The following HECW1 variants were observed in gnomAD, a reference collection of about 807,000 sequenced individuals.
The protein encoded by HECW1 is HECT, C2 and WW domain containing E3 ubiquitin protein ligase 1.
HECW1 carries 61 observed loss-of-function variants against 182.3 expected under a neutral mutation model. That is an observed-to-expected ratio of 0.33 (90% CI 0.27 to 0.41). The LOEUF (loss-of-function observed/expected upper bound fraction) is 0.41. Among genes scored for constraint, HECW1 ranks in the 10% least tolerant of loss-of-function variants. The pLI, the probability that HECW1 is intolerant of heterozygous loss-of-function variation, is 1.00. For synonymous variants in HECW1, 859 were observed against 832.6 expected (o/e 1.03, Z -0.55); for missense variants, 1,739 against 2,108.9 (o/e 0.82, Z 3.44).
At chr7:43,533,793 T>G (rs1468472822) in intron 24 of HECW1, among the ~76,000 whole-genome samples, 1 of 152,134 alleles carries the variant, frequency 6.6e-6, no homozygotes, top group Admixed American at 6.5e-5. Context: ...CAGTACACCA[T>G]GTGATCAGCT....
chr7:43,286,089 GC>G (rs1380342514), intron 3 of HECW1, among the ~76,000 whole-genome samples: 1 of 152,186 alleles, frequency 6.6e-6, no homozygotes, highest in Non-Finnish European at 1.5e-5. Context: ...GAAAGGACAA[GC>G]CAGAGGGTAA....
intron 3 of HECW1, among the ~76,000 whole-genome samples, chr7:43,257,143 A>T (rs1800668515): frequency 6.6e-6 from 1 of 152,234 alleles, no homozygotes. Context: ...TGCACAAGAC[A>T]CAAAGAGATG....
intron 2 of HECW1, among the ~76,000 whole-genome samples, chr7:43,203,216 C>T (rs2152690711): frequency 6.6e-6 from 1 of 151,630 alleles, no homozygotes; most frequent in African/African-American, 2.4e-5. Context: ...TTTTATTTTG[C>T]TATATTATCT....
intron 6 of HECW1, among the ~76,000 whole-genome samples, chr7:43,380,069 G>A (rs1289135767): frequency 6.6e-6 from 1 of 152,114 alleles, no homozygotes; most frequent in Non-Finnish European, 1.5e-5. Context: ...TTTCTCTTTT[G>A]TTGAGACAAG....
chr7:43,139,947 T>C (rs1340712620), intron 2 of HECW1, among the ~76,000 whole-genome samples: 1 of 152,166 alleles, frequency 6.6e-6, no homozygotes, highest in African/African-American at 2.4e-5. Context: ...TGGTGATAAG[T>C]TGTTGTAAGT....
At chr7:43,453,790 T>C (rs535755723) in intron 12 of HECW1, among the ~76,000 whole-genome samples, 10 of 152,334 alleles carry the variant, frequency 6.6e-5, no homozygotes, top group African/African-American at 2.4e-4. Flanking sequence ...AAGGTACTGT[T>C]TTCAGGTGGC....
At chr7:43,528,957 G>C (rs2080871301) in intron 24 of HECW1, among the ~76,000 whole-genome samples, 2 of 151,970 alleles carry the variant, frequency 1.3e-5, no homozygotes, top group Admixed American at 6.5e-5. Flanking sequence ...AATTTTTATG[G>C]GGCATTGGGG....
chr7:43,539,232 A>C (rs952857251), intron 24 of HECW1, among the ~76,000 whole-genome samples: 1 of 152,140 alleles, frequency 6.6e-6, no homozygotes, highest in African/African-American at 2.4e-5. Context: ...TTCTTGTTGT[A>C]TCTTTTCCAG....
At chr7:43,178,269 G>A (rs1039080653) in intron 2 of HECW1, among the ~76,000 whole-genome samples, 1 of 152,062 alleles carries the variant, frequency 6.6e-6, no homozygotes, top group Non-Finnish European at 1.5e-5. Context: ...GCCTCCCAAA[G>A]TACTGGGATT....
chr7:43,180,912 C>T (rs1792790607), intron 2 of HECW1, among the ~76,000 whole-genome samples: 3 of 152,128 alleles, frequency 2.0e-5, no homozygotes, highest in South Asian at 4.1e-4. Flanking sequence ...ACCATAGTCA[C>T]CCTACTGTGC....
chr7:43,127,471 C>T (rs1011267786), intron 2 of HECW1, among the ~76,000 whole-genome samples: 23 of 132,460 alleles, frequency 1.7e-4, no homozygotes, highest in Non-Finnish European at 2.7e-4. Flanking sequence ...TGCGGTAAGC[C>T]GAGATTGCAC....
At chr7:43,215,089 T>C (rs554218400) in intron 2 of HECW1, among the ~76,000 whole-genome samples, 1 of 152,252 alleles carries the variant, frequency 6.6e-6, no homozygotes, top group Non-Finnish European at 1.5e-5. Context: ...TTTTAAAAAA[T>C]GTAAGGATTG....
chr7:43,460,761 C>T (rs902820638), intron 13 of HECW1, among the ~76,000 whole-genome samples: 1 of 152,206 alleles, frequency 6.6e-6, no homozygotes, highest in Non-Finnish European at 1.5e-5. Flanking sequence ...AGGCTGCAGT[C>T]CTGCCCTGAA....
At chr7:43,380,599 C>G (rs569429977) in intron 6 of HECW1, among the ~76,000 whole-genome samples, 1 of 152,080 alleles carries the variant, frequency 6.6e-6, no homozygotes, top group Non-Finnish European at 1.5e-5. Flanking sequence ...GAGATCTTGG[C>G]TCACTGCAAC....
At chr7:43,522,098 C>A (rs2080506521) in intron 24 of HECW1, among the ~76,000 whole-genome samples, 1 of 152,128 alleles carries the variant, frequency 6.6e-6, no homozygotes, top group Non-Finnish European at 1.5e-5. Context: ...GCACCTTGAT[C>A]TTGGATTTCT....
chr7:43,193,082 CACCATATAAGGTA>C (rs1199789326), intron 2 of HECW1, among the ~76,000 whole-genome samples: 1 of 152,232 alleles, frequency 6.6e-6, no homozygotes, highest in Non-Finnish European at 1.5e-5. Flanking sequence ...CCCCCTTTCA[CACCATATAAGGTA>C]ACTTCTGGAC....
Position 43,451,055 on chromosome 7 carries a change from C to T in HECW1, c.2500+126C>T, listed in dbSNP as rs113595513. 2,227 of 655,242 alleles carry T rather than the reference C, an allele frequency of 3.4e-3. 34 individuals carry two copies. The highest frequency in any genetic ancestry group is 0.033 in the African/African-American group (1,849 of 55,294). The allele number at this position is 655,242 out of a possible 1,614,324, so 40.6% of individuals were successfully genotyped here. A position where few individuals can be genotyped will look rare whatever the true frequency, so the allele number is the denominator to read the frequency against. On this transcript the variant is annotated intron_variant, in intron 12 of 29. Coordinates refer to ENST00000395891, the MANE Select transcript of HECW1 (RefSeq NM_015052.5). Reference sequence around the variant, plus strand: ...CGTGCCTTACAGTGTTAACAAAGACCAATATGACACCTGCTCTAAAAACTG... The same window carrying T: ...CGTGCCTTACAGTGTTAACAAAGACTAATATGACACCTGCTCTAAAAACTG...
chr7:43,134,159 G>A (rs1787255727), intron 2 of HECW1, among the ~76,000 whole-genome samples: 1 of 152,020 alleles, frequency 6.6e-6, no homozygotes, highest in Non-Finnish European at 1.5e-5. Context: ...CCAGCACTTT[G>A]GGAGTGGGCG....
intron 2 of HECW1, among the ~76,000 whole-genome samples, chr7:43,149,771 C>G (rs1489838482): frequency 6.6e-6 from 1 of 152,006 alleles, no homozygotes; most frequent in Non-Finnish European, 1.5e-5. Flanking sequence ...TTTTTTCAGA[C>G]ATATTTTATA....
Sources: gnomAD v4.1 joint callset for allele counts (sites outside exome capture counted in the v4.1 genomes callset) on GRCh38, gnomAD v4.1.1 for gene constraint, MANE v1.5 for transcripts, NCBI Gene and HGNC (gene_info 2026-07-23, HGNC 2026-07-21) for gene names.